The following RAPGEF3 variants were observed in gnomAD, a reference collection of about 807,000 sequenced individuals.
RAPGEF3 encodes the protein Rap guanine nucleotide exchange factor 3.
A neutral mutation model predicts 129.8 loss-of-function variants in RAPGEF3; 103 were observed. That is an observed-to-expected ratio of 0.79 (90% CI 0.68 to 0.93). RAPGEF3 has a LOEUF of 0.93. Ranked by LOEUF, RAPGEF3 falls within the 40% of genes least tolerant of loss-of-function variation. The probability of loss-of-function intolerance (pLI) is 0.00; values close to 1 mark genes in which losing one functional copy is unlikely to be tolerated. For missense variants in RAPGEF3, 1,117 were observed against 1,207.4 expected (o/e 0.93, Z 1.11); for synonymous variants, 436 against 482.6 (o/e 0.90, Z 1.26).
At chr12:47,746,794 A>G (rs747511433) in intron 16 of RAPGEF3, 66 bp downstream of exon 16, 6 of 1,468,926 alleles carry the variant, frequency 4.1e-6, no homozygotes, top group Non-Finnish European at 5.6e-6. Context: ...CCTCAGGGTC[A>G]GGGGGCGAAG....
chr12:47,741,380 G>C lies in RAPGEF3; in HGVS notation c.1923+125C>G, dbSNP rs1318012678. 22 of 917,260 alleles carry C rather than the reference G, an allele frequency of 2.4e-5. 1 individual carries two copies. The allele number at this position is 917,260 out of a possible 1,614,324, so 56.8% of individuals were successfully genotyped here. On this transcript the variant is annotated intron_variant, in intron 19 of 27. Transcript: ENST00000449771. ...GAGGCCCACTCCTTTGTGTGCTGAG[G>C]ACCCAGCAGCAGCCAGAGCCAGGCC... is the stretch of plus-strand genomic sequence containing the variant.
chr12:47,749,810 G>T lies in RAPGEF3; in HGVS notation c.825C>A (p.Ser275Arg), dbSNP rs746522983. 1 of 1,614,070 alleles carries T rather than the reference G, an allele frequency of 6.2e-7. No homozygotes were observed. The highest frequency in any genetic ancestry group is 1.7e-5 in the Admixed American group (1 of 60,004). Residue 275 changes from serine (S) to arginine (R), a missense_variant, in exon 9 of 28, where the codon AGC becomes AGA. This residue lies in a region of RAPGEF3 where 367 missense variants were observed against 373.4 expected (regional missense o/e 0.98). Coordinates refer to ENST00000449771, the MANE Select transcript of RAPGEF3 (RefSeq NM_001098531.4). The surrounding 1 kb of genome is among the most constrained non-coding windows in gnomAD (Gnocchi z 4.5). Reference protein sequence around the residue: ...PHSKAGTVLFSQGDKGTSWYI... With the variant: ...PHSKAGTVLFRQGDKGTSWYI... ...ACCACGAAGTGCCCTTGTCCCCCTG[G>T]CTGAACACTGACAGAAGCATACCTC...
intron 2 of RAPGEF3, chr12:47,756,487 C>A (rs1265431183): frequency 1.3e-5 from 2 of 152,172 alleles, no homozygotes. Context: ...AAGGAAGACC[C>A]TAGTAGAGAA....
rs1438798752 is a variant in RAPGEF3, at chr12:47,734,781, G to A, written c.*2786C>T. On this transcript the variant is annotated 3_prime_UTR_variant, in exon 28 of 28. Transcript: ENST00000449771. ...AGAAGCCATAAGGCAGCGTGTGAAG[G>A]CAGACATGCCCCCACCCAGCTCTAA... is the stretch of plus-strand genomic sequence containing the variant. 1 of 152,274 alleles carries A rather than the reference G, an allele frequency of 6.6e-6. No homozygotes were observed. Among genetic ancestry groups the A allele is most frequent in the East Asian group, 1.9e-4 (1 of 5,204 alleles). The allele number at this position is 152,274 out of a possible 1,614,324, so 9.4% of individuals were successfully genotyped here.
At chr12:47,739,455 A>G (rs1364089796) in intron 23 of RAPGEF3, 2 of 694,732 alleles carry the variant, frequency 2.9e-6, no homozygotes, top group South Asian at 3.0e-5. Flanking sequence ...CAGGGGCCCC[A>G]GGTTTCTTGG....
rs762976932 is a variant in RAPGEF3 at position 47,741,576 on chromosome 12, G to A, written c.1852C>T (p.Arg618Cys). 18 of 1,614,042 alleles carry A rather than the reference G, an allele frequency of 1.1e-5. No individual in the cohort carries two copies. The highest frequency in any genetic ancestry group is 1.6e-4 in the Middle Eastern group (1 of 6,082). Residue 618 changes from arginine (R) to cysteine (C), a missense_variant, in exon 19 of 28, where the codon CGT becomes TGT. By Grantham distance (180) the Arg-to-Cys change is radical. Around this residue, in one of 3 missense-constraint regions of RAPGEF3, gnomAD observed 643 missense variants for 673.4 expected, o/e 0.95. Transcript: ENST00000449771. ...GDAIGLQPDA[R>C]GVATSLGLNE... ...AGCCCCAGAGATGTGGCCACACCAC[G>A]GGCATCTGGCTGCAGGCCAATGGCA...
At chr12:47,756,997 GA>G (rs1942106773) in intron 2 of RAPGEF3, among the ~76,000 whole-genome samples, 1 of 151,556 alleles carries the variant, frequency 6.6e-6, no homozygotes, top group Admixed American at 6.6e-5. Flanking sequence ...AAAGAAAAAA[GA>G]AATGAACTCT....
At chr12:47,740,019 C>G (rs1420453473) in intron 23 of RAPGEF3, 122 bp downstream of exon 23, 1 of 1,275,944 alleles carries the variant, frequency 7.8e-7, no homozygotes, top group Non-Finnish European at 1.1e-6. Flanking sequence ...GGTTGGGAAC[C>G]CTGAAAGTGA....
chr12:47,743,586 G>A lies in RAPGEF3; in HGVS notation c.1769C>T (p.Ala590Val). 2 of 1,614,160 alleles carry A rather than the reference G, an allele frequency of 1.2e-6. No individual in the cohort carries two copies. The highest frequency in any genetic ancestry group is 1.7e-6 in the Non-Finnish European group (2 of 1,180,010). ...ASVREVMAAL[A>V]QEDGWTKGQV... ...CCCCTTGGTCCAGCCATCCTCCTGG[G>A]CCAACGCTGCCATCACCTCTCTCAC... Residue 590 changes from alanine to valine, a missense_variant, in exon 18 of 28, where the codon GCC (alanine) becomes GTC (valine). Transcript: ENST00000449771.
rs767091419 is a variant in RAPGEF3, at chr12:47,750,357, G to A, written c.740C>T (p.Ala247Val). 3 of 1,613,956 alleles carry A rather than the reference G, an allele frequency of 1.9e-6. No individual in the cohort carries two copies. The highest frequency in any genetic ancestry group is 2.5e-6 in the Non-Finnish European group (3 of 1,179,888). Residue 247 changes from alanine (A) to valine (V), a missense_variant, in exon 7 of 28, where the codon GCC becomes GTC. Ala to Val is a moderately conservative substitution (Grantham distance 64). This residue lies in a region of RAPGEF3 where 367 missense variants were observed against 373.4 expected (regional missense o/e 0.98). Transcript: ENST00000449771. ...AGGACTGACCGAGTTGGAGAGGTGG[G>A]CCACAGCCTTGATGTGCAGCAGCTC... ...FEELLHIKAV[A>V]HLSNSVKREL...
In RAPGEF3 at chr12:47,750,420, C is replaced by T; in HGVS notation, c.677G>A (p.Gly226Asp). The T allele has an allele frequency of 6.2e-7, 1 of 1,613,330 alleles. No individual in the cohort carries two copies. Among genetic ancestry groups the T allele is most frequent in the Non-Finnish European group, 8.5e-7 (1 of 1,179,522 alleles). The change falls in exon 7 of 28, where the codon GGT (glycine) becomes GAT (aspartate). Residue 226 changes from glycine (G) to aspartate (D), a missense_variant. Physicochemically the swap from Gly to Asp is moderately conservative, Grantham distance 94. This residue lies in a region of RAPGEF3 where 367 missense variants were observed against 373.4 expected (regional missense o/e 0.98). Coordinates refer to ENST00000449771, the MANE Select transcript of RAPGEF3 (RefSeq NM_001098531.4). ...GTCCAGCTCTTCATCCGTGCGCTGACCTGGGCTGCAGGGACAGGAGGAATG... is the reference window on the plus strand; with the variant it reads ...GTCCAGCTCTTCATCCGTGCGCTGATCTGGGCTGCAGGGACAGGAGGAATG... ...LLTVALRKPPGQRTDEELDLI... is the reference protein window; with the variant it reads ...LLTVALRKPPDQRTDEELDLI...
chr12:47,747,959 T>C, intron 13 of RAPGEF3, 97 bp from the exon 14 acceptor site: 1 of 1,584,348 alleles, frequency 6.3e-7, no homozygotes, highest in Admixed American at 1.7e-5. Flanking sequence ...AAGCTGGGCC[T>C]GGCAGCAGGC....
At position 47,737,234 on chromosome 12, in the gene RAPGEF3, G is replaced by C. The variant is rs1940832142; in HGVS notation, c.*333C>G. 1 of 306,036 alleles carries C rather than the reference G, an allele frequency of 3.3e-6. No homozygotes were observed. The highest frequency in any genetic ancestry group is 2.2e-5 in the African/African-American group (1 of 45,394). The allele number at this position is 306,036 out of a possible 1,614,324, so 19.0% of individuals were successfully genotyped here. A position where few individuals can be genotyped will look rare whatever the true frequency, so the allele number is the denominator to read the frequency against. ...GGCCTGGCTGGACAACAAAGCCAGA[G>C]GCACAGAATCTGGAAGACATCTGGT... On this transcript the variant is annotated 3_prime_UTR_variant, in exon 28 of 28. Transcript: ENST00000449771.
chr12:47,751,613 C>G, intron 4 of RAPGEF3, 93 bp from the exon 5 acceptor site: 1 of 1,599,426 alleles, frequency 6.3e-7, no homozygotes, highest in Non-Finnish European at 8.6e-7. Context: ...GAGGCCCAAG[C>G]CTGGTTCGTC....
chr12:47,746,700 C>T, intron 16 of RAPGEF3, 160 bp downstream of exon 16: 2 of 895,794 alleles, frequency 2.2e-6, no homozygotes, highest in Non-Finnish European at 3.6e-6. Flanking sequence ...CCCAGGGCAC[C>T]ACATGCAGCA....
At chr12:47,750,017 TG>T in intron 7 of RAPGEF3, 27 bp from the exon 8 acceptor site, 2 of 1,614,062 alleles carry the variant, frequency 1.2e-6, no homozygotes, top group South Asian at 2.2e-5. Context: ...GGAGAGTCGG[TG>T]GCGACAAGTT....
rs768048125 is a variant in RAPGEF3, at chr12:47,751,237, C to T, written c.503-21G>A. The T allele has an allele frequency of 3.0e-5, 46 of 1,546,588 alleles. No homozygotes were observed. In the Admixed American group the frequency reaches 3.2e-4, roughly 11 times the overall value. On this transcript the variant is annotated intron_variant, in intron 5 of 27. Transcript: ENST00000449771. ...TTTCACTGGGGGGCAGAGGCCCAGG[C>T]GTGGGGGAGGAGAGGAAATTGAGGC...
chr12:47,748,363 G>A, intron 12 of RAPGEF3, 91 bp downstream of exon 12: 6 of 1,243,448 alleles, frequency 4.8e-6, no homozygotes, highest in Non-Finnish European at 6.9e-6. Context: ...CCAGCATTCG[G>A]TGACGTCAGA....
At position 47,748,594 on chromosome 12, in the gene RAPGEF3, C is replaced by T. The variant is rs1941570093; in HGVS notation, c.1155-52G>A. ...CTGGTGCCACTACTCCCCACTCCCACACCTGGGCAGACATCAATAATCAAT... is the reference window on the plus strand; with the variant it reads ...CTGGTGCCACTACTCCCCACTCCCATACCTGGGCAGACATCAATAATCAAT... On this transcript the variant is annotated intron_variant, in intron 11 of 27. Coordinates refer to ENST00000449771, the MANE Select transcript of RAPGEF3 (RefSeq NM_001098531.4). The T allele has an allele frequency of 2.8e-6, 4 of 1,446,920 alleles. No individual in the cohort carries two copies. The African/African-American group carries it at 4.2e-5, about 15-fold the overall frequency. 89.6% of individuals were successfully genotyped at this position (1,446,920 alleles called of 1,614,324 possible).
Sources: allele counts gnomAD v4.1 joint callset (sites outside exome capture counted in the v4.1 genomes callset), GRCh38; gene constraint gnomAD v4.1.1; regional missense constraint gnomAD v4.1.1; non-coding constraint Gnocchi (gnomAD v3.1); transcripts MANE v1.5; gene names NCBI Gene and HGNC (gene_info 2026-07-23, HGNC 2026-07-21).